The following LINGO2 variants were observed in gnomAD, a reference collection of about 807,000 sequenced individuals.
LINGO2 encodes leucine-rich repeat and immunoglobulin-like domain-containing nogo receptor-interacting protein 2.
Under a neutral mutation model 30.6 loss-of-function variants are expected in LINGO2, and 14 were observed. That is an observed-to-expected ratio of 0.46 (90% CI 0.30 to 0.72). LINGO2 has a LOEUF of 0.72. LINGO2 is among the 30% of genes least tolerant of loss of function. The probability of loss-of-function intolerance (pLI) is 0.07; values close to 1 mark genes in which losing one functional copy is unlikely to be tolerated. For synonymous variants in LINGO2, 317 were observed against 288.5 expected (o/e 1.10, Z -1.00); for missense variants, 729 against 751.7 (o/e 0.97, Z 0.35).
At chr9:28,177,713 A>G (rs1828787201) in intron 4 of LINGO2, among the ~76,000 whole-genome samples, 1 of 152,184 alleles carries the variant, frequency 6.6e-6, no homozygotes, top group Admixed American at 6.5e-5. Context: ...AAGAAAAAGG[A>G]ATGGATTCAG....
chr9:28,501,524 C>A (rs1819881951), intron 1 of LINGO2, among the ~76,000 whole-genome samples: 1 of 151,994 alleles, frequency 6.6e-6, no homozygotes, highest in Non-Finnish European at 1.5e-5. Context: ...ATCTAAAGTG[C>A]CAAAAGTAAT....
intron 2 of LINGO2, among the ~76,000 whole-genome samples, chr9:28,396,691 G>A (rs922246044): frequency 1.0e-4 from 6 of 57,478 alleles, no homozygotes; most frequent in South Asian, 1.5e-3. Flanking sequence ...GTGACAGAGC[G>A]AGACTCCATC....
chr9:28,361,238 T>G (rs948632972), intron 3 of LINGO2, among the ~76,000 whole-genome samples: 1 of 152,212 alleles, frequency 6.6e-6, no homozygotes, highest in South Asian at 2.1e-4. Flanking sequence ...GCAAGAGTAG[T>G]GATGATGGTA....
intron 1 of LINGO2, among the ~76,000 whole-genome samples, chr9:28,476,689 C>T (rs753183440): frequency 7.2e-5 from 11 of 152,024 alleles, no homozygotes; most frequent in Non-Finnish European, 1.6e-4. Context: ...TTTGTTATAA[C>T]GTAATGAAGA....
chr9:28,867,894 C>T, the LINGO2 span, among the ~76,000 whole-genome samples: 4 of 152,184 alleles, frequency 2.6e-5, no homozygotes, highest in Admixed American at 2.0e-4. Flanking sequence ...AAATTTTACA[C>T]AGAATCAAAT....
intron 5 of LINGO2, among the ~76,000 whole-genome samples, chr9:27,992,262 G>T (rs1821434430): frequency 6.6e-6 from 1 of 151,880 alleles, no homozygotes; most frequent in East Asian, 1.9e-4. Flanking sequence ...CTAATATTTG[G>T]ATACTAATCC....
intron 1 of LINGO2, among the ~76,000 whole-genome samples, chr9:28,556,459 A>G (rs1244073291): frequency 6.6e-6 from 1 of 152,138 alleles, no homozygotes; most frequent in Non-Finnish European, 1.5e-5. Context: ...GGACCTCTTC[A>G]AAGAGAACGA....
At chr9:28,434,477 T>G (rs1006791089) in intron 2 of LINGO2, among the ~76,000 whole-genome samples, 2 of 151,344 alleles carry the variant, frequency 1.3e-5, no homozygotes, top group African/African-American at 4.9e-5. Flanking sequence ...ACCTGCTTTC[T>G]CTATAACTAT....
chr9:28,332,840 G>A (rs905565485), intron 3 of LINGO2, among the ~76,000 whole-genome samples: 13 of 152,266 alleles, frequency 8.5e-5, no homozygotes, highest in Middle Eastern at 6.8e-3. Context: ...GGAAGTGAAT[G>A]GTTAAAGCAC....
intron 3 of LINGO2, among the ~76,000 whole-genome samples, chr9:28,343,028 T>C (rs1011191624): frequency 6.6e-6 from 1 of 152,156 alleles, no homozygotes; most frequent in Non-Finnish European, 1.5e-5. Context: ...GGTTTAAACA[T>C]CTGCTCTAAT....
At chr9:29,202,364 A>G in the LINGO2 span, among the ~76,000 whole-genome samples, 1 of 152,022 alleles carries the variant, frequency 6.6e-6, no homozygotes, top group Non-Finnish European at 1.5e-5. Flanking sequence ...GTGCAAAGCC[A>G]CGGAGACATA....
At chr9:27,988,540 T>C (rs1330881056) in intron 5 of LINGO2, among the ~76,000 whole-genome samples, 1 of 152,064 alleles carries the variant, frequency 6.6e-6, no homozygotes, top group Non-Finnish European at 1.5e-5. Flanking sequence ...ATGATCGTCA[T>C]TCTAACTGGT....
At chr9:28,024,341 G>A (rs981573484) in intron 4 of LINGO2, among the ~76,000 whole-genome samples, 1 of 152,114 alleles carries the variant, frequency 6.6e-6, no homozygotes, top group African/African-American at 2.4e-5. Flanking sequence ...ATGGGTGGAG[G>A]GTGGGTAACA....
chr9:28,209,698 T>C (rs1446605799), intron 4 of LINGO2, among the ~76,000 whole-genome samples: 4 of 151,734 alleles, frequency 2.6e-5, no homozygotes, highest in Non-Finnish European at 5.9e-5. Flanking sequence ...ACATTTTCTA[T>C]GTTGAAAGAG....
the LINGO2 span, among the ~76,000 whole-genome samples, chr9:28,974,964 A>G: frequency 6.6e-6 from 1 of 152,140 alleles, no homozygotes; most frequent in Non-Finnish European, 1.5e-5. Context: ...TTTGCTGTAA[A>G]TGACTTGGTA....
the LINGO2 span, among the ~76,000 whole-genome samples, chr9:28,861,772 A>G: frequency 2.6e-5 from 4 of 151,900 alleles, no homozygotes; most frequent in Admixed American, 2.0e-4. Context: ...TTACCAAAAA[A>G]CACAAAACCT....
intron 4 of LINGO2, among the ~76,000 whole-genome samples, chr9:28,180,618 C>T (rs1479038813): frequency 1.3e-5 from 2 of 152,140 alleles, no homozygotes; most frequent in African/African-American, 2.4e-5. Flanking sequence ...TGACTGCTAA[C>T]AGCTTAAAGA....
At chr9:28,782,226 G>C in the LINGO2 span, among the ~76,000 whole-genome samples, 2 of 152,134 alleles carry the variant, frequency 1.3e-5, no homozygotes, top group Admixed American at 6.6e-5. Context: ...GGAGTCCTTA[G>C]TTCAATTGTA....
At chr9:28,217,968 G>A (rs1451418336) in intron 4 of LINGO2, among the ~76,000 whole-genome samples, 1 of 151,684 alleles carries the variant, frequency 6.6e-6, no homozygotes, top group Non-Finnish European at 1.5e-5. Context: ...TGGAAAAAGA[G>A]GAGGGAGATA....
Sources: gnomAD v4.1 joint callset for allele counts (sites outside exome capture counted in the v4.1 genomes callset) on GRCh38, gnomAD v4.1.1 for gene constraint, MANE v1.5 for transcripts, NCBI Gene and HGNC (gene_info 2026-07-23, HGNC 2026-07-21) for gene names.